Variants in GPHN observed in about 807,000 individuals in gnomAD.
The protein encoded by GPHN is gephyrin.
GPHN carries 17 observed loss-of-function variants against 95.5 expected under a neutral mutation model. The observed-to-expected ratio is 0.18, with a 90% CI of 0.12 to 0.27. The LOEUF (loss-of-function observed/expected upper bound fraction) is 0.27. Ranked by LOEUF, GPHN falls within the 10% of genes least tolerant of loss-of-function variation. The pLI, the probability that GPHN is intolerant of heterozygous loss-of-function variation, is 1.00. For missense variants in GPHN, 660 were observed against 978.1 expected, an observed-to-expected ratio of 0.67 and a Z score of 4.34; for synonymous variants, 320 against 322.5, an observed-to-expected ratio of 0.99 and a Z score of 0.08.
chr14:67,654,755 C>T, the GPHN span, among the ~76,000 whole-genome samples: 5 of 151,986 alleles, frequency 3.3e-5, no homozygotes, highest in Admixed American at 2.0e-4. Context: ...TTTGCCCGGG[C>T]GCAGTGGCTC....
the GPHN span, among the ~76,000 whole-genome samples, chr14:67,524,440 G>T: frequency 6.6e-6 from 1 of 152,134 alleles, no homozygotes; most frequent in South Asian, 2.1e-4. Flanking sequence ...GGACAAACAT[G>T]GGTGGCTGAG....
chr14:67,260,594 G>C, the GPHN span, among the ~76,000 whole-genome samples: 1 of 152,066 alleles, frequency 6.6e-6, no homozygotes, highest in Non-Finnish European at 1.5e-5. Context: ...GCAAAATTAA[G>C]ATTTCATAGG....
intron 1 of GPHN, among the ~76,000 whole-genome samples, chr14:66,514,438 CCT>C: frequency 6.6e-6 from 1 of 152,076 alleles, no homozygotes; most frequent in African/African-American, 2.4e-5. Flanking sequence ...ATTGTGTAAC[CCT>C]CTCTCAGCTT....
intron 3 of GPHN, among the ~76,000 whole-genome samples, chr14:66,788,050 C>T (rs928358006): frequency 5.3e-5 from 8 of 152,114 alleles, no homozygotes. Context: ...AAACTGCAGG[C>T]CGGGTGCAGT....
chr14:66,700,517 T>C (rs920273486), intron 2 of GPHN, among the ~76,000 whole-genome samples: 5 of 152,234 alleles, frequency 3.3e-5, no homozygotes, highest in African/African-American at 1.2e-4. Context: ...TAGTAAATTA[T>C]TGGTCTGGGA....
chr14:67,095,784 TGG>T (rs1384412903), intron 12 of GPHN, among the ~76,000 whole-genome samples: 1 of 149,792 alleles, frequency 6.7e-6, no homozygotes, highest in African/African-American at 2.5e-5. Context: ...TGTTGTGGGG[TGG>T]GGGGAGCAGG....
chr14:66,728,489 G>A (rs117087087), intron 2 of GPHN, among the ~76,000 whole-genome samples: 1,831 of 152,340 alleles, frequency 0.012, 19 homozygotes, highest in Non-Finnish European at 0.018. Context: ...CAAAGCCACA[G>A]GGTCGGAGCT....
At chr14:67,642,801 T>C in the GPHN span, among the ~76,000 whole-genome samples, 2 of 123,198 alleles carry the variant, frequency 1.6e-5, no homozygotes, top group South Asian at 3.1e-4. Flanking sequence ...TTCTTTTTTT[T>C]TTTTTTTTTT....
chr14:67,381,608 G>A, the GPHN span: 2 of 1,606,062 alleles, frequency 1.2e-6, no homozygotes, highest in Non-Finnish European at 1.7e-6. Context: ...GAAGTGGCTT[G>A]TTATGGTTAT....
rs185491703 is a variant in GPHN at position 66,697,532 on chromosome 14, G to A, written c.143+16347G>A. ...AAATTAGATTGGAGATACTGGTGTA[G>A]TGTTTTTCTCTGGCTTCTGTCATGT... On this transcript the variant is annotated intron_variant, in intron 2 of 22. Coordinates refer to ENST00000478722, the MANE Select transcript of GPHN (RefSeq NM_020806.5). Among the ~76,000 whole-genome samples the A allele has an allele frequency of 2.6e-5, 4 of 152,232 alleles. No homozygotes were observed. The East Asian group carries it at 7.7e-4, about 29-fold the overall frequency.
At chr14:66,566,510 A>G (rs557682443) in intron 1 of GPHN, among the ~76,000 whole-genome samples, 15 of 151,466 alleles carry the variant, frequency 9.9e-5, no homozygotes, top group African/African-American at 3.4e-4. Flanking sequence ...CTTATTGTCT[A>G]CATTTTTTGT....
intron 5 of GPHN, among the ~76,000 whole-genome samples, chr14:66,888,125 T>A (rs1272884739): frequency 6.6e-6 from 1 of 152,092 alleles, no homozygotes; most frequent in Non-Finnish European, 1.5e-5. Context: ...GAGACAACTC[T>A]AAAACGTAGA....
Position 66,965,180 on chromosome 14 carries a change from C to G in GPHN, c.829-11C>G. ...TCAGAATATTAAACCATAGTTGTTC[C>G]CCTTGTTCAGATTCCAGACTCCATC... On this transcript the variant is annotated splice_polypyrimidine_tract_variant and intron_variant, in intron 8 of 22. Transcript: ENST00000478722. 3 of 1,609,060 alleles carry G rather than the reference C, an allele frequency of 1.9e-6. No individual in the cohort carries two copies. Among genetic ancestry groups the G allele is most frequent in the Non-Finnish European group, 2.6e-6 (3 of 1,175,594 alleles).
At chr14:67,687,771 CTTTT>C in the GPHN span, among the ~76,000 whole-genome samples, 6 of 134,944 alleles carry the variant, frequency 4.4e-5, no homozygotes, top group Admixed American at 3.1e-4. Flanking sequence ...ACGTCCGGCC[CTTTT>C]TTTTTTTCAT....
At chr14:67,070,097 C>G (rs1212963831) in intron 11 of GPHN, among the ~76,000 whole-genome samples, 2 of 151,946 alleles carry the variant, frequency 1.3e-5, no homozygotes, top group South Asian at 2.1e-4. Flanking sequence ...TCATAATTCC[C>G]TTCAGGTATT....
At chr14:67,290,487 T>C in the GPHN span, among the ~76,000 whole-genome samples, 4 of 152,188 alleles carry the variant, frequency 2.6e-5, no homozygotes, top group African/African-American at 9.7e-5. Context: ...CAGTGGATTC[T>C]CCCACCTCAG....
chr14:66,786,714 C>A (rs1023803559), intron 3 of GPHN, among the ~76,000 whole-genome samples: 1 of 152,002 alleles, frequency 6.6e-6, no homozygotes, highest in Non-Finnish European at 1.5e-5. Context: ...CAGAAAACTA[C>A]TTCAGTAGTA....
intron 2 of GPHN, among the ~76,000 whole-genome samples, chr14:66,728,110 C>A (rs189604409): frequency 2.0e-5 from 3 of 152,242 alleles, no homozygotes; most frequent in Admixed American, 6.5e-5. Flanking sequence ...GTGCAAGCCC[C>A]AAGCCTTGGC....
At chr14:67,545,333 T>C in the GPHN span, among the ~76,000 whole-genome samples, 7 of 152,186 alleles carry the variant, frequency 4.6e-5, no homozygotes, top group African/African-American at 1.7e-4. Flanking sequence ...TGAATAACTA[T>C]GCGCTCAGCT....
Sources: allele counts gnomAD v4.1 joint callset (sites outside exome capture counted in the v4.1 genomes callset), GRCh38; gene constraint gnomAD v4.1.1; transcripts MANE v1.5; gene names NCBI Gene and HGNC (gene_info 2026-07-23, HGNC 2026-07-21).